Variants in SGCD observed in about 807,000 individuals in gnomAD.
SGCD encodes the protein delta-sarcoglycan.
A neutral mutation model predicts 36.6 loss-of-function variants in SGCD; 18 were observed. The ratio of observed to expected loss-of-function variants is 0.49; its 90% CI spans 0.34 to 0.73. The LOEUF (loss-of-function observed/expected upper bound fraction) is 0.73. SGCD is among the 30% of genes least tolerant of loss of function. SGCD has a pLI of 0.01. For synonymous variants in SGCD, 133 were observed against 130.6 expected, an observed-to-expected ratio of 1.02 and a Z score of -0.12; for missense variants, 387 against 346.7, an observed-to-expected ratio of 1.12 and a Z score of -0.92.
intron 3 of SGCD, among the ~76,000 whole-genome samples, chr5:156,268,956 C>A (rs1766078421): frequency 6.6e-6 from 1 of 151,996 alleles, no homozygotes. Context: ...ATATTGGCTG[C>A]ATGTATGTCT....
intron 1 of SGCD, among the ~76,000 whole-genome samples, chr5:155,916,179 C>T (rs1756732228): frequency 6.6e-6 from 1 of 152,024 alleles, no homozygotes; most frequent in Non-Finnish European, 1.5e-5. Context: ...TAGCAGAGTC[C>T]TTTTATTTCC....
intron 3 of SGCD, among the ~76,000 whole-genome samples, chr5:156,506,840 A>G (rs1756722387): frequency 6.6e-6 from 1 of 152,224 alleles, no homozygotes; most frequent in Non-Finnish European, 1.5e-5. Flanking sequence ...TTCCTCTACA[A>G]ACTAAAATTC....
chr5:156,294,775 AT>A (rs1766852067), intron 3 of SGCD, among the ~76,000 whole-genome samples: 1 of 152,156 alleles, frequency 6.6e-6, no homozygotes, highest in Non-Finnish European at 1.5e-5. Flanking sequence ...TTAATACGTT[AT>A]ATCAAATTGT....
intron 6 of SGCD, among the ~76,000 whole-genome samples, chr5:156,637,397 A>G (rs1561830536): frequency 6.6e-6 from 1 of 152,306 alleles, no homozygotes; most frequent in East Asian, 1.9e-4. Context: ...GCTTCATGGT[A>G]TCTGAGTGAA....
chr5:156,317,963 T>C (rs1478259527), intron 3 of SGCD, among the ~76,000 whole-genome samples: 1 of 152,202 alleles, frequency 6.6e-6, no homozygotes, highest in Non-Finnish European at 1.5e-5. Flanking sequence ...TTATTCTATA[T>C]GCTATGTCTG....
intron 1 of SGCD, among the ~76,000 whole-genome samples, chr5:156,083,798 TTTTGTTTGTTTG>T (rs202051213): frequency 5.9e-5 from 9 of 152,126 alleles, no homozygotes; most frequent in Middle Eastern, 3.4e-3. Flanking sequence ...TGTTTTTGTT[TTTTGTTTGTTTG>T]TTTGTTTGTT....
the SGCD span, among the ~76,000 whole-genome samples, chr5:155,740,925 C>G: frequency 1.1e-3 from 161 of 152,322 alleles, no homozygotes; most frequent in African/African-American, 3.8e-3. Flanking sequence ...ACTCATGACA[C>G]AGCCCCAGAA....
intron 7 of SGCD, among the ~76,000 whole-genome samples, chr5:156,731,386 C>A (rs1036085966): frequency 1.3e-5 from 2 of 152,124 alleles, no homozygotes; most frequent in South Asian, 4.1e-4. Flanking sequence ...ACATTTAAGT[C>A]TTTAATCCAT....
intron 5 of SGCD, among the ~76,000 whole-genome samples, chr5:156,593,059 C>G (rs560362402): frequency 6.6e-6 from 1 of 152,254 alleles, no homozygotes; most frequent in East Asian, 1.9e-4. Context: ...TTTATAAACA[C>G]AATGTCATTT....
At chr5:155,846,818 C>A in the SGCD span, among the ~76,000 whole-genome samples, 5 of 152,150 alleles carry the variant, frequency 3.3e-5, no homozygotes, top group African/African-American at 1.2e-4. Flanking sequence ...AAGACCCTAT[C>A]ATATTGGCTA....
At chr5:156,122,226 T>C (rs1258536311) in intron 2 of SGCD, among the ~76,000 whole-genome samples, 1 of 152,144 alleles carries the variant, frequency 6.6e-6, no homozygotes, top group Non-Finnish European at 1.5e-5. Flanking sequence ...AAAATATTTA[T>C]CGAGCTCCAC....
chr5:156,695,138 T>TTGTGTG (rs35024208), intron 7 of SGCD, among the ~76,000 whole-genome samples: 8 of 145,814 alleles, frequency 5.5e-5, no homozygotes, highest in Non-Finnish European at 9.0e-5. Context: ...GTGTGTGTGT[T>TTGTGTG]TGTGTGTGTG....
chr5:156,383,812 TATC>T (rs1333745316), intron 3 of SGCD, among the ~76,000 whole-genome samples: 1 of 152,156 alleles, frequency 6.6e-6, no homozygotes, highest in African/African-American at 2.4e-5. Flanking sequence ...GAACAGATCG[TATC>T]TTCTTTGATG....
chr5:156,020,687 C>T (rs1039658521), intron 1 of SGCD, among the ~76,000 whole-genome samples: 2 of 152,186 alleles, frequency 1.3e-5, no homozygotes, highest in Non-Finnish European at 2.9e-5. Context: ...GCTCCAAAGA[C>T]CTGTGAGCTT....
chr5:155,735,584 C>T, the SGCD span, among the ~76,000 whole-genome samples: 1 of 152,162 alleles, frequency 6.6e-6, no homozygotes, highest in Non-Finnish European at 1.5e-5. Flanking sequence ...GCCCAGGACT[C>T]TTAATGCCTG....
At chr5:156,293,640 T>C (rs1766818570) in intron 3 of SGCD, among the ~76,000 whole-genome samples, 1 of 152,140 alleles carries the variant, frequency 6.6e-6, no homozygotes, top group Non-Finnish European at 1.5e-5. Flanking sequence ...TATGTCAAGG[T>C]TTTTTTATTC....
chr5:155,960,549 A>T (rs1161798289), intron 1 of SGCD, among the ~76,000 whole-genome samples: 3 of 152,106 alleles, frequency 2.0e-5, no homozygotes, highest in Non-Finnish European at 2.9e-5. Flanking sequence ...TACCCTAAGC[A>T]ATTGTTTTCA....
chr5:156,353,768 A>C (rs563543611), intron 3 of SGCD, among the ~76,000 whole-genome samples: 1 of 152,220 alleles, frequency 6.6e-6, no homozygotes, highest in African/African-American at 2.4e-5. Context: ...GTTTTTTAAA[A>C]GCACCATAAA....
rs898659703 is a variant in SGCD at position 156,055,998 on chromosome 5, T to A, written c.-281-61880T>A. ...ATATATATTTAAAGCTAAAGGAAAA[T>A]TTTAAAAAGTCACCTAGTCTAACCA... On this transcript the variant is annotated intron_variant, in intron 1 of 9. Transcript: ENST00000517913. Among the ~76,000 whole-genome samples, 70 of 146,078 alleles carry A rather than the reference T, an allele frequency of 4.8e-4. 9 individuals are homozygous for A. The highest frequency in any genetic ancestry group is 1.9e-4 in the Non-Finnish European group (12 of 64,740).
Sources: gnomAD v4.1 joint callset for allele counts (sites outside exome capture counted in the v4.1 genomes callset) on GRCh38, gnomAD v4.1.1 for gene constraint, MANE v1.5 for transcripts, NCBI Gene and HGNC (gene_info 2026-07-23, HGNC 2026-07-21) for gene names.